MYBPC1: variants seen among roughly 807,000 people sequenced by gnomAD.
MYBPC1 encodes the protein myosin-binding protein C, slow-type.
A neutral mutation model predicts 147.1 loss-of-function variants in MYBPC1; 52 were observed. That is an observed-to-expected ratio of 0.35 (90% confidence interval 0.28 to 0.45). The LOEUF is 0.45. Among genes scored for constraint, MYBPC1 ranks in the 20% least tolerant of loss-of-function variants. The probability of loss-of-function intolerance (pLI) is 1.00; values close to 1 mark genes in which losing one functional copy is unlikely to be tolerated. For synonymous variants in MYBPC1, 477 were observed against 475.9 expected (o/e 1.00, Z -0.03); for missense variants, 1,228 against 1,440.3 (o/e 0.85, Z 2.39).
the MYBPC1 span, among the ~76,000 whole-genome samples, chr12:101,692,086 G>C: frequency 6.6e-6 from 1 of 152,184 alleles, no homozygotes; most frequent in African/African-American, 2.4e-5. Flanking sequence ...GAACAAATGA[G>C]AGTGGGTTTG....
intron 2 of MYBPC1, among the ~76,000 whole-genome samples, chr12:101,616,079 A>G (rs1190474400): frequency 6.6e-6 from 1 of 152,154 alleles, no homozygotes; most frequent in Non-Finnish European, 1.5e-5. Flanking sequence ...TAAGAATACT[A>G]GATTCACACA....
chr12:101,645,522 T>C (rs980247817), intron 12 of MYBPC1, among the ~76,000 whole-genome samples: 1 of 152,230 alleles, frequency 6.6e-6, no homozygotes, highest in African/African-American at 2.4e-5. Context: ...CCTGGAAAGC[T>C]GTTACTTGTG....
At chr12:101,598,402 C>T (rs1878352516) in intron 1 of MYBPC1, among the ~76,000 whole-genome samples, 1 of 152,082 alleles carries the variant, frequency 6.6e-6, no homozygotes, top group Non-Finnish European at 1.5e-5. Flanking sequence ...TTGCAATAGC[C>T]TTTCTTCCGT....
intron 17 of MYBPC1, 143 bp downstream of exon 17, chr12:101,652,927 G>C (rs1894788236): frequency 9.3e-7 from 1 of 1,073,948 alleles, no homozygotes; most frequent in Non-Finnish European, 1.4e-6. Flanking sequence ...AGAAAGATTG[G>C]TGACTTATAC....
chr12:101,687,801 T>TGA (rs1951374466), downstream of MYBPC1, among the ~76,000 whole-genome samples: 1 of 152,252 alleles, frequency 6.6e-6, no homozygotes, highest in Non-Finnish European at 1.5e-5. Context: ...TGCTTATACG[T>TGA]GTATGGTTTT....
At position 101,661,033 on chromosome 12, in the gene MYBPC1, A is replaced by C. The variant is rs957080608; in HGVS notation, c.1928-125A>C. The C allele has an allele frequency of 6.1e-6, 4 of 654,080 alleles. No homozygotes were observed. The African/African-American group carries it at 7.2e-5, about 12-fold the overall frequency. 40.5% of individuals were successfully genotyped at this position (654,080 alleles called of 1,614,324 possible). A position where few individuals can be genotyped will look rare whatever the true frequency, so the allele number is the denominator to read the frequency against. ...CCATATCATAAGCATAATTCAGTAA[A>C]CATGGGAAAGTACTCAGAAATAACA... On this transcript the variant is annotated intron_variant, in intron 19 of 31. Coordinates refer to ENST00000361466, the MANE Select transcript of MYBPC1 (RefSeq NM_002465.4).
Position 101,629,482 on chromosome 12 carries a change from A to G in MYBPC1, c.227A>G (p.Asn76Ser). ...CCTGGGGAGGAACAAGCCAAGCAGA[A>G]TGCCAACTCCCAGCTGTCCATCTTG... is the stretch of plus-strand genomic sequence containing the variant. The part of the protein sequence containing the change: ...TPPGEEQAKQ[N>S]ANSQLSILFI... The change falls in exon 6 of 32, where the codon AAT becomes AGT. Residue 76 changes from asparagine (N) to serine (S), a missense_variant. Coordinates refer to ENST00000361466, the MANE Select transcript of MYBPC1 (RefSeq NM_002465.4). 6.2e-7 allele frequency: 1 copy of G among 1,614,070 alleles called. No individual in the cohort carries two copies. Among genetic ancestry groups the G allele is most frequent in the Non-Finnish European group, 8.5e-7 (1 of 1,179,972 alleles).
At position 101,632,054 on chromosome 12, in the gene MYBPC1, A is replaced by C; in HGVS notation, c.472A>C (p.Lys158Gln). The change falls in exon 8 of 32, where the codon AAA (lysine) becomes CAA (glutamine). Residue 158 changes from lysine (K) to glutamine (Q), a missense_variant. Physicochemically the swap from Lys to Gln is moderately conservative, Grantham distance 53. This residue lies in a region of MYBPC1 where 1,077 missense variants were observed against 1,314.2 expected (regional missense o/e 0.82). Coordinates refer to ENST00000361466, the MANE Select transcript of MYBPC1 (RefSeq NM_002465.4). ...YTFEMQIIKA[K>Q]DNFAGNYRCE... ...ATTTGAGATGCAGATCATCAAGGCC[A>C]AAGATAACTTTGCAGGAAATTACAG... is the stretch of plus-strand genomic sequence containing the variant. 1 of 1,613,942 alleles carries C rather than the reference A, an allele frequency of 6.2e-7. No homozygotes were observed. Among genetic ancestry groups the C allele is most frequent in the Non-Finnish European group, 8.5e-7 (1 of 1,179,770 alleles).
chr12:101,595,755 G>A (rs7954933), intron 1 of MYBPC1, among the ~76,000 whole-genome samples: 13,068 of 152,080 alleles, frequency 0.086, 1,689 homozygotes, highest in African/African-American at 0.28. Context: ...TTCATAATAT[G>A]TAGTAGGCTT....
intron 1 of MYBPC1, among the ~76,000 whole-genome samples, chr12:101,598,239 C>T (rs894842124): frequency 1.5e-4 from 23 of 152,166 alleles, no homozygotes; most frequent in African/African-American, 5.5e-4. Flanking sequence ...AGGCTGGTCT[C>T]GAACCGCTGA....
rs1466964635 is a variant in MYBPC1, at chr12:101,666,256, C to T, written c.2357-1476C>T. The T allele has an allele frequency of 3.3e-5, 6 of 184,556 alleles. No individual in the cohort carries two copies. In the South Asian group the frequency reaches 6.7e-4, roughly 21 times the overall value. The allele number at this position is 184,556 out of a possible 1,614,324, so 11.4% of individuals were successfully genotyped here. A position where few individuals can be genotyped will look rare whatever the true frequency, so the allele number is the denominator to read the frequency against. On this transcript the variant is annotated intron_variant, in intron 22 of 31. Coordinates refer to ENST00000361466, the MANE Select transcript of MYBPC1 (RefSeq NM_002465.4). ...GCTGGCCTTATCCCAAGGGCCTGCA[C>T]TCCCAGTCTTGAATGAGGGAGCCCC...
Position 101,659,796 on chromosome 12 carries a change from G to A in MYBPC1, c.1892G>A (p.Gly631Glu). 3 of 1,614,128 alleles carry A rather than the reference G, an allele frequency of 1.9e-6. No homozygotes were observed. The highest frequency in any genetic ancestry group is 2.5e-6 in the Non-Finnish European group (3 of 1,179,994). Residue 631 changes from glycine to glutamate, a missense_variant, in exon 19 of 32, where the codon GGA becomes GAA. Gly to Glu is a moderately conservative substitution (Grantham distance 98). Around this residue, in one of 2 missense-constraint regions of MYBPC1, gnomAD observed 1,077 missense variants for 1,314.2 expected, o/e 0.82. Transcript: ENST00000361466. ...CACATCAATCTGAAAAACGAAGCTGGAGAGGCACATGCAAGCATCAAGGTT... is the reference window on the plus strand; with the variant it reads ...CACATCAATCTGAAAAACGAAGCTGAAGAGGCACATGCAAGCATCAAGGTT... ...VYHINLKNEAGEAHASIKVKV... is the reference protein window; with the variant it reads ...VYHINLKNEAEEAHASIKVKV...
intron 18 of MYBPC1, among the ~76,000 whole-genome samples, chr12:101,658,123 T>G (rs1593947069): frequency 9.9e-6 from 1 of 100,776 alleles, no homozygotes; most frequent in Admixed American, 1.3e-4. Context: ...AGAGCGAGAC[T>G]CCGTCTCAAA....
At chr12:101,676,717 C>T (rs557267813) in intron 26 of MYBPC1, among the ~76,000 whole-genome samples, 324 of 152,152 alleles carry the variant, frequency 2.1e-3, no homozygotes, top group African/African-American at 7.6e-3. Flanking sequence ...CATCACTGCA[C>T]TCCAGCCTGG....
intron 8 of MYBPC1, among the ~76,000 whole-genome samples, chr12:101,632,477 G>T (rs1890113602): frequency 6.6e-6 from 1 of 152,142 alleles, no homozygotes; most frequent in African/African-American, 2.4e-5. Flanking sequence ...AGGGTAATAT[G>T]CTATGAGAGT....
At chr12:101,634,046 G>T (rs879690535) in intron 8 of MYBPC1, among the ~76,000 whole-genome samples, 2 of 152,006 alleles carry the variant, frequency 1.3e-5, no homozygotes, top group Non-Finnish European at 2.9e-5. Context: ...ACAGGCGCCC[G>T]CCACCACGGC....
intron 24 of MYBPC1, among the ~76,000 whole-genome samples, chr12:101,672,365 G>T (rs550375425): frequency 3.3e-5 from 5 of 152,124 alleles, no homozygotes; most frequent in Admixed American, 3.3e-4. Context: ...GCCAGGGTAC[G>T]CCTGGATGCT....
chr12:101,694,116 A>G, the MYBPC1 span, among the ~76,000 whole-genome samples: 3 of 152,352 alleles, frequency 2.0e-5, no homozygotes, highest in East Asian at 1.9e-4. Flanking sequence ...TGGGAAAAAT[A>G]AACCTCTATT....
intron 21 of MYBPC1, among the ~76,000 whole-genome samples, chr12:101,662,949 T>C (rs1760272054): frequency 6.6e-6 from 1 of 152,194 alleles, no homozygotes; most frequent in Admixed American, 6.5e-5. Flanking sequence ...AGGCTACACT[T>C]GGAAACTGGT....
Sources: gnomAD v4.1 joint callset for allele counts (sites outside exome capture counted in the v4.1 genomes callset) on GRCh38, gnomAD v4.1.1 for gene constraint, gnomAD v4.1.1 regional missense constraint, MANE v1.5 for transcripts, NCBI Gene and HGNC (gene_info 2026-07-23, HGNC 2026-07-21) for gene names.